The following AP3D1 variants were observed in gnomAD, a reference collection of about 807,000 sequenced individuals.
AP3D1 encodes the protein AP-3 complex subunit delta-1.
Under a neutral mutation model 147.6 loss-of-function variants are expected in AP3D1, and 51 were observed. That is an observed-to-expected ratio of 0.35 (90% confidence interval 0.28 to 0.44). The LOEUF (loss-of-function observed/expected upper bound fraction) is 0.44. AP3D1 is among the 20% of genes least tolerant of loss of function. The pLI is 1.00. For synonymous variants in AP3D1, 760 were observed against 663.0 expected, an observed-to-expected ratio of 1.15 and a Z score of -2.25; for missense variants, 1,421 against 1,624.2, an observed-to-expected ratio of 0.87 and a Z score of 2.15.
intron 1 of AP3D1, among the ~76,000 whole-genome samples, chr19:2,160,665 G>A (rs552545031): frequency 1.3e-5 from 2 of 152,222 alleles, no homozygotes; most frequent in Middle Eastern, 3.4e-3. Flanking sequence ...GTCTTAGCCC[G>A]GATAACCTGT....
At chr19:2,130,324 C>A (rs1039844894) in intron 6 of AP3D1, 84 bp downstream of exon 6, 2 of 1,582,492 alleles carry the variant, frequency 1.3e-6, no homozygotes, top group African/African-American at 1.3e-5. Flanking sequence ...CCCGCAGCAC[C>A]CCCCAAAACA....
At chr19:2,125,283 C>A (rs990061298) in intron 9 of AP3D1, among the ~76,000 whole-genome samples, 9 of 152,026 alleles carry the variant, frequency 5.9e-5, no homozygotes, top group African/African-American at 1.9e-4. Flanking sequence ...AATGTCACAC[C>A]CAATCTTTGT....
At chr19:2,163,924 C>T (rs959878986) in intron 1 of AP3D1, among the ~76,000 whole-genome samples, 53 of 149,844 alleles carry the variant, frequency 3.5e-4, no homozygotes, top group South Asian at 1.5e-3. Flanking sequence ...TCCGCCCGGC[C>T]CCCGGCTCAT....
rs1240719465 is a variant in AP3D1, at chr19:2,123,596, G to A, written c.907-190C>T. On this transcript the variant is annotated intron_variant, in intron 10 of 31. Transcript: ENST00000643116. ...AGACAAGGGAGGCCCTGCTTCCCAC[G>A]GGCGCTCTCCCCCACTCCTCAGTGC... Among the ~76,000 whole-genome samples the A allele has an allele frequency of 3.3e-5, 5 of 152,184 alleles. No individual in the cohort carries two copies. The East Asian group carries it at 7.8e-4, about 24-fold the overall frequency.
At chr19:2,134,554 G>C (rs1250857796) in intron 4 of AP3D1, among the ~76,000 whole-genome samples, 1 of 151,050 alleles carries the variant, frequency 6.6e-6, no homozygotes, top group Non-Finnish European at 1.5e-5. Context: ...GACCAACATG[G>C]TGAAATCCTG....
intron 29 of AP3D1, 175 bp downstream of exon 29, chr19:2,109,698 G>T: frequency 1.6e-6 from 1 of 637,310 alleles, no homozygotes; most frequent in Non-Finnish European, 2.8e-6. Flanking sequence ...CAACTACACG[G>T]CCCCGGCTGG....
chr19:2,140,904 G>T (rs1454495628), intron 1 of AP3D1, among the ~76,000 whole-genome samples: 1 of 151,812 alleles, frequency 6.6e-6, no homozygotes, highest in Non-Finnish European at 1.5e-5. Context: ...GATTACAGGG[G>T]CACACCACCA....
intron 24 of AP3D1, 63 bp from the exon 25 acceptor site, chr19:2,111,891 T>G: frequency 1.2e-6 from 2 of 1,606,072 alleles, no homozygotes; most frequent in Non-Finnish European, 1.7e-6. Flanking sequence ...CATCACAGTG[T>G]GAGGTCAGGA....
chr19:2,119,821 A>G (rs1407659670), intron 14 of AP3D1, among the ~76,000 whole-genome samples: 1 of 152,060 alleles, frequency 6.6e-6, no homozygotes, highest in Non-Finnish European at 1.5e-5. Flanking sequence ...AGGTGCCTGT[A>G]ATCCCAGCTA....
chr19:2,151,014 G>A (rs1404167941), intron 1 of AP3D1, among the ~76,000 whole-genome samples: 1 of 152,280 alleles, frequency 6.6e-6, no homozygotes, highest in Non-Finnish European at 1.5e-5. Flanking sequence ...GATCCGAGAT[G>A]TGCTGCTCCA....
intron 8 of AP3D1, among the ~76,000 whole-genome samples, chr19:2,128,634 G>GCGCATGGC (rs2018839626): frequency 2.6e-4 from 3 of 11,516 alleles, no homozygotes; most frequent in East Asian, 2.5e-3. Flanking sequence ...CGCCCCCGCC[G>GCGCATGGC]CTCCGACACT....
chr19:2,115,737 G>A, intron 18 of AP3D1, 124 bp from the exon 19 acceptor site: 1 of 1,024,954 alleles, frequency 9.8e-7, no homozygotes, highest in East Asian at 2.6e-5. Context: ...TCCTGCCAGA[G>A]CCCTGGGCCG....
intron 17 of AP3D1, 143 bp from the exon 18 acceptor site, chr19:2,116,421 C>G: frequency 1.6e-6 from 2 of 1,220,918 alleles, no homozygotes; most frequent in South Asian, 3.0e-5. Context: ...GAAACCAAGG[C>G]CCGCAATTGG....
intron 9 of AP3D1, among the ~76,000 whole-genome samples, chr19:2,125,008 G>A (rs2018713591): frequency 6.6e-6 from 1 of 152,156 alleles, no homozygotes; most frequent in South Asian, 2.1e-4. Context: ...GGGGGTGAGG[G>A]ATAAGAGACT....
intron 1 of AP3D1, among the ~76,000 whole-genome samples, chr19:2,162,437 T>C (rs933254594): frequency 1.6e-4 from 24 of 150,216 alleles, no homozygotes; most frequent in Non-Finnish European, 2.5e-4. Flanking sequence ...GGCGGATCAC[T>C]TGAGTTTGAG....
chr19:2,123,290 T>TG, intron 11 of AP3D1, 68 bp downstream of exon 11: 1 of 1,478,474 alleles, frequency 6.8e-7, no homozygotes, highest in Non-Finnish European at 9.4e-7. Flanking sequence ...CTCCTCACAC[T>TG]AGGAGGACCC....
intron 29 of AP3D1, chr19:2,109,630 C>T (rs2018209555): frequency 3.7e-6 from 2 of 546,400 alleles, no homozygotes; most frequent in Non-Finnish European, 6.6e-6. Context: ...ACCCCTCCAG[C>T]CTTCAGGACT....
intron 11 of AP3D1, among the ~76,000 whole-genome samples, chr19:2,123,133 G>A (rs997549299): frequency 1.3e-5 from 2 of 152,224 alleles, no homozygotes; most frequent in African/African-American, 2.4e-5. Flanking sequence ...CTGGGACTGG[G>A]GCTCAGAGGA....
At chr19:2,114,041 TC>T in intron 22 of AP3D1, 83 bp downstream of exon 22, 4 of 1,476,194 alleles carry the variant, frequency 2.7e-6, no homozygotes, top group Non-Finnish European at 3.6e-6. Flanking sequence ...CACAGCCATT[TC>T]CCCTGAGCTC....
Sources: gnomAD v4.1 joint callset for allele counts (sites outside exome capture counted in the v4.1 genomes callset) on GRCh38, gnomAD v4.1.1 for gene constraint, MANE v1.5 for transcripts, NCBI Gene and HGNC (gene_info 2026-07-23, HGNC 2026-07-21) for gene names.